Variants in LMX1B observed in about 807,000 individuals in gnomAD.
LMX1B encodes LIM homeobox transcription factor 1-beta.
In LMX1B, 12 loss-of-function variants were observed where a neutral mutation model predicts 51.4. That is an observed-to-expected ratio of 0.23 (90% CI 0.15 to 0.38). The LOEUF (loss-of-function observed/expected upper bound fraction) is 0.38. Ranked by LOEUF, LMX1B falls within the 10% of genes least tolerant of loss-of-function variation. The pLI, the probability that LMX1B is intolerant of heterozygous loss-of-function variation, is 1.00. For synonymous variants in LMX1B, 237 were observed against 235.4 expected, an observed-to-expected ratio of 1.01 and a Z score of -0.06; for missense variants, 445 against 571.1, an observed-to-expected ratio of 0.78 and a Z score of 2.25.
At chr9:126,687,132 T>C (rs563189197) in intron 2 of LMX1B, among the ~76,000 whole-genome samples, 3 of 151,938 alleles carry the variant, frequency 2.0e-5, no homozygotes, top group African/African-American at 7.2e-5. Flanking sequence ...GTACCTGGAG[T>C]ACCTTCTTCA....
rs967354581 is a variant in LMX1B at position 126,658,743 on chromosome 9, C to T, written c.327-32093C>T. Among the ~76,000 whole-genome samples the T allele has an allele frequency of 2.6e-5, 4 of 152,190 alleles. No homozygotes were observed. Among genetic ancestry groups the T allele is most frequent in the African/African-American group, 7.2e-5 (3 of 41,430 alleles). On this transcript the variant is annotated intron_variant, in intron 2 of 7. Transcript: ENST00000373474. The surrounding 1 kb of genome is among the most constrained non-coding windows in gnomAD (Gnocchi z 4.0). ...CATCCACTTTGCTTAAGATAAATGC[C>T]GAACAAATAATCAAATTATCAAGCC...
At chr9:126,633,614 CCT>C (rs1209452550) in intron 2 of LMX1B, among the ~76,000 whole-genome samples, 1 of 152,086 alleles carries the variant, frequency 6.6e-6, no homozygotes, top group Non-Finnish European at 1.5e-5. Context: ...AAATTAGTAC[CCT>C]CCGGGAGATG....
At chr9:126,616,277 T>C (rs1835301393) in intron 2 of LMX1B, among the ~76,000 whole-genome samples, 1 of 152,062 alleles carries the variant, frequency 6.6e-6, no homozygotes, top group Non-Finnish European at 1.5e-5. Flanking sequence ...TCCTTTCTGG[T>C]AGTGTGTATT....
At chr9:126,684,747 C>T (rs1029848900) in intron 2 of LMX1B, among the ~76,000 whole-genome samples, 2 of 141,806 alleles carry the variant, frequency 1.4e-5, no homozygotes, top group Non-Finnish European at 3.0e-5. Flanking sequence ...AAACATGGTA[C>T]CCCCCGTGGT....
intron 2 of LMX1B, among the ~76,000 whole-genome samples, chr9:126,634,325 C>T (rs572962783): frequency 1.4e-4 from 22 of 152,286 alleles, no homozygotes; most frequent in African/African-American, 5.3e-4. Context: ...GAGGCCTCAC[C>T]GGGCAGGTCT....
chr9:126,684,538 C>T (rs185607927), intron 2 of LMX1B, among the ~76,000 whole-genome samples: 53 of 152,192 alleles, frequency 3.5e-4, no homozygotes, highest in African/African-American at 1.2e-3. Flanking sequence ...GTGAATCACC[C>T]GAGGCTGTGC....
chr9:126,647,798 G>A (rs775401445), intron 2 of LMX1B, among the ~76,000 whole-genome samples: 9 of 152,356 alleles, frequency 5.9e-5, no homozygotes, highest in Admixed American at 3.3e-4. Context: ...GCCCAACTCC[G>A]CAAGCCCACA....
intron 2 of LMX1B, among the ~76,000 whole-genome samples, chr9:126,650,213 T>A (rs1835973313): frequency 6.6e-6 from 1 of 152,226 alleles, no homozygotes; most frequent in South Asian, 2.1e-4. Flanking sequence ...AGGAGCTTCC[T>A]GCCCTGCCCC....
rs1835535501 is a variant in LMX1B at position 126,626,557 on chromosome 9, C to T, written c.326+10988C>T. 6.6e-6 allele frequency among the ~76,000 whole-genome samples: 1 copy of T among 152,200 alleles called. No individual in the cohort carries two copies. The highest frequency in any genetic ancestry group is 2.1e-4 in the South Asian group (1 of 4,826). The stretch of plus-strand genomic sequence containing the variant: ...CCCGCCCGTCCTCTCCTGGAGCCCC[C>T]TCTGCAATCCCGGCTCAGTCGGCAA... On this transcript the variant is annotated intron_variant, in intron 2 of 7. Transcript: ENST00000373474. This position sits in a 1 kb window ranked among gnomAD's most constrained non-coding sequence, Gnocchi z 4.3.
intron 2 of LMX1B, among the ~76,000 whole-genome samples, chr9:126,651,455 C>G (rs968432702): frequency 5.3e-5 from 8 of 152,096 alleles, no homozygotes; most frequent in Non-Finnish European, 1.0e-4. Context: ...AGGGTTGTCT[C>G]AAGGGGACAG....
chr9:126,675,815 C>T lies in LMX1B; in HGVS notation c.327-15021C>T, dbSNP rs572126630. 4.0e-5 allele frequency among the ~76,000 whole-genome samples: 6 copies of T among 150,834 alleles called. No individual in the cohort carries two copies. The East Asian group carries it at 5.9e-4, about 15-fold the overall frequency. ...CTGTAATCCCAGCACTTTGGGAGGC[C>T]GAGGCGGGCGGATCACGAGGTCAGG... On this transcript the variant is annotated intron_variant, in intron 2 of 7. Transcript: ENST00000373474.
In LMX1B at chr9:126,699,290, C is replaced by T. The variant is rs1346761498; in HGVS notation, c.*2839C>T. The T allele has an allele frequency of 6.6e-6, 1 of 152,180 alleles. No homozygotes were observed. The highest frequency in any genetic ancestry group is 1.5e-5 in the Non-Finnish European group (1 of 68,032). 9.4% of individuals were successfully genotyped at this position (152,180 alleles called of 1,614,324 possible). A position where few individuals can be genotyped will look rare whatever the true frequency, so the allele number is the denominator to read the frequency against. ...TGAGCTGAGAACAGGGACGTTGTGC[C>T]CCACTGTCCCCTGTGGTTTGTGAAT... On this transcript the variant is annotated 3_prime_UTR_variant, in exon 8 of 8. Coordinates refer to ENST00000373474, the MANE Select transcript of LMX1B (RefSeq NM_001174147.2).
intron 2 of LMX1B, among the ~76,000 whole-genome samples, chr9:126,630,849 C>T (rs1024738017): frequency 1.3e-5 from 2 of 152,282 alleles, no homozygotes; most frequent in Non-Finnish European, 2.9e-5. Context: ...GCGTGGCCAG[C>T]CCTCACAGGG....
chr9:126,648,842 G>A (rs1256077862), intron 2 of LMX1B, among the ~76,000 whole-genome samples: 1 of 152,162 alleles, frequency 6.6e-6, no homozygotes, highest in Non-Finnish European at 1.5e-5. Context: ...AGGTAATTGG[G>A]TGGAGGGAGG....
chr9:126,672,613 C>G (rs1356030943), intron 2 of LMX1B, among the ~76,000 whole-genome samples: 2 of 152,112 alleles, frequency 1.3e-5, no homozygotes, highest in African/African-American at 4.8e-5. Flanking sequence ...GATGGAAAGC[C>G]GGGGCCCAGG....
chr9:126,686,691 A>AAG lies in LMX1B; in HGVS notation c.327-4144_327-4143dup, dbSNP rs1041335013. Among the ~76,000 whole-genome samples the AAG allele has an allele frequency of 2.7e-4, 41 of 152,184 alleles. 1 individual carries two copies. The highest frequency in any genetic ancestry group is 1.5e-4 in the Non-Finnish European group (10 of 68,034). The stretch of plus-strand genomic sequence containing the variant: ...CCAGGGTAAGGGCAGCTTATGAGCA[A>AAG]AGGCACATGGAGATGCACAGAGCAG... On this transcript the variant is annotated intron_variant, in intron 2 of 7. Coordinates refer to ENST00000373474, the MANE Select transcript of LMX1B (RefSeq NM_001174147.2).
intron 2 of LMX1B, among the ~76,000 whole-genome samples, chr9:126,621,827 G>A (rs897862755): frequency 1.3e-5 from 2 of 152,114 alleles, no homozygotes; most frequent in African/African-American, 4.8e-5. Context: ...GCAGTGAAGG[G>A]CTTGTGTTTG....
Position 126,618,843 on chromosome 9 carries a change from C to A in LMX1B, c.326+3274C>A, listed in dbSNP as rs1399831500. 6.6e-6 allele frequency among the ~76,000 whole-genome samples: 1 copy of A among 152,104 alleles called. No homozygotes were observed. Among genetic ancestry groups the A allele is most frequent in the Admixed American group, 6.6e-5 (1 of 15,266 alleles). ...CCAAAAATCTGTCACAAAATGGAGTCTAATCGCTTGTAAGACAGCTCCCAG... is the reference window on the plus strand; with the variant it reads ...CCAAAAATCTGTCACAAAATGGAGTATAATCGCTTGTAAGACAGCTCCCAG... On this transcript the variant is annotated intron_variant, in intron 2 of 7. Transcript: ENST00000373474. This position sits in a 1 kb window ranked among gnomAD's most constrained non-coding sequence, Gnocchi z 4.5.
At chr9:126,636,934 C>T (rs1359920948) in intron 2 of LMX1B, among the ~76,000 whole-genome samples, 1 of 152,174 alleles carries the variant, frequency 6.6e-6, no homozygotes, top group East Asian at 1.9e-4. Flanking sequence ...GGTGAGGTGG[C>T]ATCTCTCTGG....
Sources: allele counts gnomAD v4.1 joint callset (sites outside exome capture counted in the v4.1 genomes callset), GRCh38; gene constraint gnomAD v4.1.1; non-coding constraint Gnocchi (gnomAD v3.1); transcripts MANE v1.5; gene names NCBI Gene and HGNC (gene_info 2026-07-23, HGNC 2026-07-21).